Variants in BMX observed in about 807,000 individuals in gnomAD.
BMX encodes the protein cytoplasmic tyrosine-protein kinase BMX.
BMX carries 31 observed loss-of-function variants against 59.2 expected under a neutral mutation model. The observed-to-expected ratio is 0.52, with a 90% CI of 0.39 to 0.71. BMX has a LOEUF of 0.71. Ranked by LOEUF, BMX falls within the 30% of genes least tolerant of loss-of-function variation. BMX has a pLI of 0.00. For missense variants in BMX, 474 were observed against 491.7 expected, an observed-to-expected ratio of 0.96 and a Z score of 0.34; for synonymous variants, 185 against 181.0, an observed-to-expected ratio of 1.02 and a Z score of -0.18.
intron 14 of BMX, among the ~76,000 whole-genome samples, chrX:15,539,243 C>A (rs755864971): frequency 9.0e-6 from 1 of 110,639 alleles, no homozygotes; most frequent in Non-Finnish European, 1.9e-5. Flanking sequence ...TTTGCCATTA[C>A]CAAGCTGGTA....
intron 6 of BMX, among the ~76,000 whole-genome samples, chrX:15,520,812 A>G (rs1324310303): frequency 9.0e-6 from 1 of 111,211 alleles, no homozygotes; most frequent in Non-Finnish European, 1.9e-5. Context: ...TGTTCTGTTC[A>G]AAGAGATTTC....
intron 3 of BMX, among the ~76,000 whole-genome samples, chrX:15,510,723 G>T (rs1923921121): frequency 8.9e-6 from 1 of 111,924 alleles, no homozygotes; most frequent in Non-Finnish European, 1.9e-5. Context: ...GTTGAAATAA[G>T]ATTAAAATAC....
chrX:15,520,657 G>T (rs540210452), intron 6 of BMX, among the ~76,000 whole-genome samples: 3 of 111,808 alleles, frequency 2.7e-5, no homozygotes, highest in African/African-American at 9.7e-5. Flanking sequence ...GGGTTCATAA[G>T]CCTGTTTTGA....
chrX:15,553,004 A>G (rs188300654), intron 18 of BMX, among the ~76,000 whole-genome samples: 1 of 112,475 alleles, frequency 8.9e-6, no homozygotes, highest in Non-Finnish European at 1.9e-5. Flanking sequence ...TTCCGTATTC[A>G]GACAGGAATA....
In BMX at chrX:15,525,293, G is replaced by A; in HGVS notation, c.758G>A (p.Ser253Asn). 1 of 1,207,577 alleles carries A rather than the reference G, an allele frequency of 8.3e-7. No homozygotes were observed. ...WWQVRKLKSS[S>N]SSEDVASSNQ... is the part of the protein sequence containing the mutation. ...AAAATGTCTCTTTTTTGCAGTAGCA[G>A]CAGCAGTGAAGATGTTGCAAGCAGT... Residue 253 changes from serine to asparagine, a missense_variant, in exon 8 of 19, where the codon AGC (serine) becomes AAC (asparagine). By Grantham distance (46) the Ser-to-Asn change is conservative. Coordinates refer to ENST00000348343, the MANE Select transcript of BMX (RefSeq NM_203281.3).
intron 9 of BMX, among the ~76,000 whole-genome samples, chrX:15,527,247 A>ATATATATATATATAT (rs1569224670): frequency 1.8e-5 from 1 of 56,358 alleles, no homozygotes; most frequent in African/African-American, 8.8e-5. Flanking sequence ...CACACACACA[A>ATATATATATATATAT]ATATATATAT....
rs1459615971 is a variant in BMX at position 15,536,394 on chromosome X, A to C, written c.1189A>C (p.Asn397His). The change falls in exon 13 of 19, where the codon AAC becomes CAC. Residue 397 changes from asparagine to histidine, a missense_variant. Transcript: ENST00000348343. ...RLRHPVSTKA[N>H]KVPDSVSLGN... ...CCGCCACCCTGTGTCAACAAAGGCC[A>C]ACAAGGTCCCCGACTCTGTGTCCCT... 1 of 1,209,751 alleles carries C rather than the reference A, an allele frequency of 8.3e-7. No individual in the cohort carries two copies. The highest frequency in any genetic ancestry group is 1.1e-6 in the Non-Finnish European group (1 of 894,310).
chrX:15,530,715 A>G (rs1602347461), intron 10 of BMX, among the ~76,000 whole-genome samples: 1 of 112,192 alleles, frequency 8.9e-6, no homozygotes, highest in Middle Eastern at 4.6e-3. Flanking sequence ...TGTGATACAG[A>G]ACATGTTTAT....
intron 13 of BMX, 57 bp downstream of exon 13, chrX:15,536,484 A>G: frequency 1.1e-6 from 1 of 938,534 alleles, no homozygotes; most frequent in Admixed American, 2.8e-5. Context: ...TTATTTAAAT[A>G]TATGGTTAAT....
chrX:15,510,660 C>T (rs1923919204), intron 3 of BMX, among the ~76,000 whole-genome samples: 1 of 111,910 alleles, frequency 8.9e-6, no homozygotes, highest in Non-Finnish European at 1.9e-5. Context: ...CCTAGTTCCA[C>T]CACTTATACT....
chrX:15,527,283 T>TATATATATACACACAC (rs1285065649), intron 9 of BMX, among the ~76,000 whole-genome samples: 1 of 65,867 alleles, frequency 1.5e-5, no homozygotes, highest in African/African-American at 6.7e-5. Flanking sequence ...TATATATATA[T>TATATATATACACACAC]ACACACACAC....
In BMX at chrX:15,516,161, C is replaced by G; in HGVS notation, c.375C>G (p.Phe125Leu). 8.3e-7 allele frequency: 1 copy of G among 1,211,236 alleles called. No individual in the cohort carries two copies. Among genetic ancestry groups the G allele is most frequent in the Non-Finnish European group, 1.1e-6 (1 of 894,992 alleles). Residue 125 changes from phenylalanine (F) to leucine (L), a missense_variant, in exon 5 of 19, where the codon TTC becomes TTG. Coordinates refer to ENST00000348343, the MANE Select transcript of BMX (RefSeq NM_203281.3). ...TGGTCAAGTACCATAGTGGGTTCTT[C>G]GTGGACGGGAAGTTCCTGTGTTGCC... ...HLLVKYHSGF[F>L]VDGKFLCCQQ...
intron 9 of BMX, among the ~76,000 whole-genome samples, chrX:15,527,283 T>TATATATATATAGAC (rs1285065649): frequency 3.0e-5 from 2 of 65,867 alleles, no homozygotes; most frequent in African/African-American, 6.7e-5. Flanking sequence ...TATATATATA[T>TATATATATATAGAC]ACACACACAC....
Position 15,526,110 on chromosome X carries a change from T to C in BMX, c.884+15T>C. On this transcript the variant is annotated intron_variant, in intron 9 of 18. Coordinates refer to ENST00000348343, the MANE Select transcript of BMX (RefSeq NM_203281.3). ...GATGATTATGAGTGAGTATTGAAAG[T>C]CTTCTGGGTTCTTCTAAAATTAGAC... 1.7e-6 allele frequency: 2 copies of C among 1,173,891 alleles called. No individual in the cohort carries two copies. Among genetic ancestry groups the C allele is most frequent in the East Asian group, 6.0e-5 (2 of 33,466 alleles).
At chrX:15,549,225 C>T (rs773982219) in intron 17 of BMX, among the ~76,000 whole-genome samples, 1 of 111,338 alleles carries the variant, frequency 9.0e-6, no homozygotes, top group Non-Finnish European at 1.9e-5. Context: ...AAACTGAACA[C>T]AAAAATGCTG....
Position 15,542,086 on chromosome X carries a change from A to T in BMX, c.1499A>T (p.Tyr500Phe), listed in dbSNP as rs753620703. 39 of 1,209,636 alleles carry T rather than the reference A, an allele frequency of 3.2e-5. No homozygotes were observed. The South Asian group carries it at 6.7e-4, about 21-fold the overall frequency. ...EYISNGCLLN[Y>F]LRSHGKGLEP... ...ATAAGCAATGGCTGCTTGCTGAATTACCTGAGGAGTCACGGAAAAGGACTT... is the reference window on the plus strand; with the variant it reads ...ATAAGCAATGGCTGCTTGCTGAATTTCCTGAGGAGTCACGGAAAAGGACTT... Residue 500 changes from tyrosine (Y) to phenylalanine (F), a missense_variant, in exon 15 of 19, where the codon TAC becomes TTC. Physicochemically the swap from Tyr to Phe is conservative, Grantham distance 22. Coordinates refer to ENST00000348343, the MANE Select transcript of BMX (RefSeq NM_203281.3).
At chrX:15,501,379 T>G (rs1462209818) in intron 1 of BMX, among the ~76,000 whole-genome samples, 1 of 112,569 alleles carries the variant, frequency 8.9e-6, no homozygotes, top group Non-Finnish European at 1.9e-5. Context: ...TTTATGATGT[T>G]ACTTTAGCTA....
At chrX:15,524,613 C>G (rs1302954799) in intron 7 of BMX, among the ~76,000 whole-genome samples, 1 of 112,018 alleles carries the variant, frequency 8.9e-6, no homozygotes, top group Non-Finnish European at 1.9e-5. Context: ...AGTTTAAGGG[C>G]TTTATCTAGG....
intron 3 of BMX, 33 bp from the exon 4 acceptor site, chrX:15,511,404 A>G (rs1923952159): frequency 8.0e-6 from 9 of 1,128,168 alleles, no homozygotes; most frequent in Admixed American, 2.5e-5. Context: ...TGGTGCAATT[A>G]TATATAAACA....
Sources: gnomAD v4.1 joint callset for allele counts (sites outside exome capture counted in the v4.1 genomes callset) on GRCh38, gnomAD v4.1.1 for gene constraint, MANE v1.5 for transcripts, NCBI Gene and HGNC (gene_info 2026-07-23, HGNC 2026-07-21) for gene names.